PARL: variants seen among roughly 807,000 people sequenced by gnomAD.
The protein encoded by PARL is presenilin associated rhomboid like, also known as presenilin-associated rhomboid-like protein, mitochondrial.
Under a neutral mutation model 51.6 loss-of-function variants are expected in PARL, and 44 were observed. That is an observed-to-expected ratio of 0.85 (90% CI 0.67 to 1.10). The LOEUF is 1.10. Among genes scored for constraint, PARL ranks in the 50% least tolerant of loss-of-function variants. PARL has a pLI of 0.00. For synonymous variants in PARL, 172 were observed against 164.0 expected (o/e 1.05, Z -0.37); for missense variants, 441 against 469.5 (o/e 0.94, Z 0.56).
At chr3:183,841,606 G>T (rs943514916) in intron 6 of PARL, among the ~76,000 whole-genome samples, 1 of 152,162 alleles carries the variant, frequency 6.6e-6, no homozygotes, top group East Asian at 1.9e-4. Context: ...TAAATGTAGA[G>T]ATTTTAGAAA....
At chr3:183,847,156 G>A (rs1730050788) in intron 4 of PARL, among the ~76,000 whole-genome samples, 1 of 152,236 alleles carries the variant, frequency 6.6e-6, no homozygotes. Flanking sequence ...ATGGGTGAAG[G>A]AGTCCAGCAG....
chr3:183,845,193 A>G (rs969604041), intron 4 of PARL, among the ~76,000 whole-genome samples: 3 of 152,150 alleles, frequency 2.0e-5, no homozygotes, highest in Non-Finnish European at 4.4e-5. Context: ...ACATACTGGT[A>G]AGAGGATTTA....
intron 9 of PARL, among the ~76,000 whole-genome samples, chr3:183,833,267 G>A (rs998578773): frequency 1.3e-5 from 2 of 152,318 alleles, no homozygotes; most frequent in Admixed American, 6.5e-5. Context: ...TTAAGGTTAA[G>A]CGTAGGGTAA....
chr3:183,835,530 C>T (rs1022922013), intron 7 of PARL, among the ~76,000 whole-genome samples: 12 of 152,196 alleles, frequency 7.9e-5, no homozygotes, highest in Non-Finnish European at 1.6e-4. Flanking sequence ...AAAGGAGGAC[C>T]CAAGAAGACC....
At chr3:183,857,824 G>A (rs919810688) in intron 4 of PARL, among the ~76,000 whole-genome samples, 4 of 152,160 alleles carry the variant, frequency 2.6e-5, no homozygotes, top group African/African-American at 9.7e-5. Context: ...CTGTGAATCA[G>A]CACCCAGATA....
rs1317874027 is a variant in PARL, at chr3:183,881,999, G to A, written c.125+2723C>T. Among the ~76,000 whole-genome samples, 8 of 151,350 alleles carry A rather than the reference G, an allele frequency of 5.3e-5. No homozygotes were observed. In the East Asian group the frequency reaches 5.8e-4, roughly 11 times the overall value. ...GCAGATCACTTGAGACCAGGAGTTC[G>A]AGACCAGCCTGGCCAACACAGCAAA... is the stretch of plus-strand genomic sequence containing the variant. On this transcript the variant is annotated intron_variant, in intron 1 of 9. Transcript: ENST00000317096.
In PARL at chr3:183,844,232, T is replaced by C. The variant is rs371020371; in HGVS notation, c.606A>G (p.Ser202=). Residue 202 remains serine, a splice_region_variant and synonymous_variant, in exon 5 of 10, where the codon TCA becomes TCG. Transcript: ENST00000317096. ...MIRYFTSNPA[S]KVLCSPMLLS... is the part of the protein sequence containing the mutation. ...TAAATTCACACAAGTTAGACTTACT[T>C]GAGGCTGGATTCGATGTGAAATATC... The C allele has an allele frequency of 2.7e-5, 43 of 1,572,888 alleles. No individual in the cohort carries two copies. The African/African-American group carries it at 5.4e-4, about 20-fold the overall frequency.
rs193059403 is a variant in PARL, at chr3:183,839,954, C to T, written c.828+616G>A. Among the ~76,000 whole-genome samples the T allele has an allele frequency of 2.2e-3, 337 of 151,346 alleles. 1 individual carries two copies. The highest frequency in any genetic ancestry group is 7.6e-3 in the African/African-American group (312 of 41,218). On this transcript the variant is annotated intron_variant, in intron 7 of 9. Transcript: ENST00000317096. The stretch of plus-strand genomic sequence containing the variant: ...CTTGGTATGTTACCAGGGCTGGTTT[C>T]GAATTCTTGGGCTCATCCTCTCACC...
intron 1 of PARL, among the ~76,000 whole-genome samples, chr3:183,882,243 A>ATATT (rs1553906075): frequency 9.0e-5 from 2 of 22,316 alleles, no homozygotes; most frequent in Non-Finnish European, 1.9e-4. Context: ...ATATATATAT[A>ATATT]TTTATATATA....
chr3:183,879,116 A>C (rs1560437682), intron 1 of PARL, among the ~76,000 whole-genome samples: 1 of 152,194 alleles, frequency 6.6e-6, no homozygotes, highest in Non-Finnish European at 1.5e-5. Context: ...ATTCCAATAC[A>C]AATGTTTCAC....
intron 1 of PARL, among the ~76,000 whole-genome samples, chr3:183,882,924 T>C (rs368556408): frequency 8.5e-5 from 13 of 152,260 alleles, no homozygotes; most frequent in Admixed American, 4.6e-4. Context: ...AGTCAACATA[T>C]AGCTAATAAA....
chr3:183,833,476 T>C lies in PARL; in HGVS notation c.1028+16A>G, dbSNP rs769782853. On this transcript the variant is annotated intron_variant, in intron 9 of 9. Transcript: ENST00000317096. ...CCCAAGGAAGCAGTTTAGCAATCAA[T>C]TACACTCAAACTTACATTCCAAAAA... The C allele has an allele frequency of 6.6e-6, 10 of 1,522,168 alleles. No individual in the cohort carries two copies. The African/African-American group carries it at 8.2e-5, about 13-fold the overall frequency. 94.3% of individuals were successfully genotyped at this position (1,522,168 alleles called of 1,614,324 possible).
At chr3:183,865,349 G>A (rs933966054) in intron 3 of PARL, among the ~76,000 whole-genome samples, 1 of 152,154 alleles carries the variant, frequency 6.6e-6, no homozygotes, top group East Asian at 1.9e-4. Context: ...CCTAAGGCAT[G>A]TATATTTTGA....
At position 183,833,845 on chromosome 3, in the gene PARL, G is replaced by T. The variant is rs994038932; in HGVS notation, c.829-20C>A. The T allele has an allele frequency of 8.0e-6, 12 of 1,501,658 alleles. No individual in the cohort carries two copies. In the African/African-American group the frequency reaches 1.5e-4, roughly 19 times the overall value. 93.0% of individuals were successfully genotyped at this position (1,501,658 alleles called of 1,614,324 possible). A position where few individuals can be genotyped will look rare whatever the true frequency, so the allele number is the denominator to read the frequency against. ...ACCAGACTGCAAAGTAACACAGCAGGGAGAATGGGAAACTCAATATGCAAC... is the reference window on the plus strand; with the variant it reads ...ACCAGACTGCAAAGTAACACAGCAGTGAGAATGGGAAACTCAATATGCAAC... On this transcript the variant is annotated intron_variant, in intron 7 of 9. Transcript: ENST00000317096.
chr3:183,849,874 T>C (rs774600087), intron 4 of PARL, among the ~76,000 whole-genome samples: 3 of 152,164 alleles, frequency 2.0e-5, no homozygotes, highest in Non-Finnish European at 4.4e-5. Flanking sequence ...ACGAACCTTA[T>C]AGAAATCAGA....
In PARL at chr3:183,872,288, C is replaced by A. The variant is rs1213583049; in HGVS notation, c.126-4228G>T. ...AAGTGCTGGGATTACAGGCATGTGC[C>A]ACCATGCCTGGCCTAAGAATGCCCT... On this transcript the variant is annotated intron_variant, in intron 1 of 9. Transcript: ENST00000317096. Among the ~76,000 whole-genome samples, 3 of 152,182 alleles carry A rather than the reference C, an allele frequency of 2.0e-5. No homozygotes were observed. In the East Asian group the frequency reaches 5.8e-4, roughly 29 times the overall value.
In PARL at chr3:183,836,728, A is replaced by AT. The variant is rs201844901; in HGVS notation, c.829-2904dup. On this transcript the variant is annotated intron_variant, in intron 7 of 9. Transcript: ENST00000317096. ...TACCTGTAATCAATATGCACATCTG[A>AT]TTTTTTTTTACTTATTTCATAAACA... 3.2e-3 allele frequency among the ~76,000 whole-genome samples: 485 copies of AT among 151,538 alleles called. 4 individuals carry two copies. The highest frequency in any genetic ancestry group is 0.025 in the East Asian group (128 of 5,182).
chr3:183,838,277 C>T (rs544206334), intron 7 of PARL, among the ~76,000 whole-genome samples: 8 of 152,254 alleles, frequency 5.3e-5, no homozygotes, highest in East Asian at 3.9e-4. Context: ...ATCTTCCTGC[C>T]GTGGCTCCCA....
chr3:183,829,399 A>T lies in PARL; in HGVS notation c.*199T>A. On this transcript the variant is annotated 3_prime_UTR_variant, in exon 10 of 10. Transcript: ENST00000317096. ...GAACACACACATCTGCTTACAAACT[A>T]GATAGAAACCTTTATTTCACAACTT... 1 of 1,502,984 alleles carries T rather than the reference A, an allele frequency of 6.7e-7. No individual in the cohort carries two copies. Among genetic ancestry groups the T allele is most frequent in the Non-Finnish European group, 8.8e-7 (1 of 1,131,056 alleles). The allele number at this position is 1,502,984 out of a possible 1,614,324, so 93.1% of individuals were successfully genotyped here. A position where few individuals can be genotyped will look rare whatever the true frequency, so the allele number is the denominator to read the frequency against.
Sources: allele counts gnomAD v4.1 joint callset (sites outside exome capture counted in the v4.1 genomes callset), GRCh38; gene constraint gnomAD v4.1.1; transcripts MANE v1.5; gene names NCBI Gene and HGNC (gene_info 2026-07-23, HGNC 2026-07-21).